MBTPS2: variants seen among roughly 807,000 people sequenced by gnomAD.
MBTPS2 encodes the protein membrane bound transcription factor peptidase, site 2.
A neutral mutation model predicts 35.4 loss-of-function variants in MBTPS2; 2 were observed. The ratio of observed to expected loss-of-function variants is 0.06; its 90% CI spans 0.02 to 0.18. MBTPS2 has a LOEUF of 0.18. MBTPS2 is among the 10% of genes least tolerant of loss of function. The probability of loss-of-function intolerance (pLI) is 1.00; values close to 1 mark genes in which losing one functional copy is unlikely to be tolerated. For missense variants in MBTPS2, 244 were observed against 386.5 expected (o/e 0.63, Z 3.09); for synonymous variants, 125 against 140.4 (o/e 0.89, Z 0.77).
intron 5 of MBTPS2, among the ~76,000 whole-genome samples, chrX:21,855,081 G>A (rs2092919036): frequency 9.0e-6 from 1 of 111,351 alleles, no homozygotes; most frequent in Admixed American, 9.5e-5. Context: ...GAAAAGAACT[G>A]TAAAATAATT....
intron 5 of MBTPS2, chrX:21,856,455 C>T: frequency 1.7e-6 from 2 of 1,183,625 alleles, no homozygotes; most frequent in Non-Finnish European, 1.1e-6. Context: ...ACGGTCTTCC[C>T]GTTGCCGCTA....
Position 21,853,366 on chromosome X carries a change from G to T in MBTPS2, c.543-10G>T, listed in dbSNP as rs1199493694. 6 of 1,174,993 alleles carry T rather than the reference G, an allele frequency of 5.1e-6. No homozygotes were observed. The highest frequency in any genetic ancestry group is 6.9e-6 in the Non-Finnish European group (6 of 865,203). On this transcript the variant is annotated splice_polypyrimidine_tract_variant and intron_variant, in intron 4 of 10. Transcript: ENST00000379484. ...ATTAGTAAACTCCTTTTTCTTATGT[G>T]ATTTCTTAGGGAACAAGTTCGATTT...
intron 5 of MBTPS2, among the ~76,000 whole-genome samples, chrX:21,862,839 AACAT>A (rs1395078732): frequency 2.1e-5 from 2 of 93,064 alleles, no homozygotes; most frequent in Non-Finnish European, 4.2e-5. Context: ...ATATATAAAA[AACAT>A]ATATATATAT....
chrX:21,861,831 TTGTC>T (rs200105255), intron 5 of MBTPS2, among the ~76,000 whole-genome samples: 18,826 of 111,590 alleles, frequency 0.17, 1,355 homozygotes, highest in East Asian at 0.24. Flanking sequence ...AGACCATACT[TTGTC>T]TGGCTATTTC....
chrX:21,883,670 CTG>C lies in MBTPS2; in HGVS notation c.*1019_*1020del. 2.0e-5 allele frequency: 15 copies of C among 754,255 alleles called. No individual in the cohort carries two copies. Among genetic ancestry groups the C allele is most frequent in the Non-Finnish European group, 2.3e-5 (15 of 639,376 alleles). 62.2% of individuals were successfully genotyped at this position (754,255 alleles called of 1,213,427 possible). A position where few individuals can be genotyped will look rare whatever the true frequency, so the allele number is the denominator to read the frequency against. ...CCTCACCAGCGGCTCCCATGTTTTTCTGTGTCAGGTTATTAAGTACCTAGTCC... is the reference window on the plus strand; with the variant it reads ...CCTCACCAGCGGCTCCCATGTTTTTCTGTCAGGTTATTAAGTACCTAGTCC... On this transcript the variant is annotated 3_prime_UTR_variant, in exon 11 of 11. Coordinates refer to ENST00000379484, the MANE Select transcript of MBTPS2 (RefSeq NM_015884.4).
At chrX:21,865,257 C>G (rs1246635626) in intron 5 of MBTPS2, among the ~76,000 whole-genome samples, 2 of 110,184 alleles carry the variant, frequency 1.8e-5, no homozygotes, top group Non-Finnish European at 3.8e-5. Context: ...AAACATCTGT[C>G]TGAAATTTGG....
chrX:21,840,550 G>A (rs1417240831), intron 1 of MBTPS2, among the ~76,000 whole-genome samples: 1 of 111,957 alleles, frequency 8.9e-6, no homozygotes, highest in East Asian at 2.8e-4. Context: ...ATCAGGAAGA[G>A]TCGTCTGACC....
At chrX:21,881,690 C>A (rs755695673) in intron 10 of MBTPS2, among the ~76,000 whole-genome samples, 2 of 111,460 alleles carry the variant, frequency 1.8e-5, no homozygotes, top group East Asian at 5.6e-4. Context: ...AATCCCAGCA[C>A]TTTGGGAGGC....
intron 1 of MBTPS2, among the ~76,000 whole-genome samples, chrX:21,842,924 T>C (rs1459188905): frequency 8.9e-6 from 1 of 112,162 alleles, no homozygotes; most frequent in Non-Finnish European, 1.9e-5. Context: ...AGCTCACAAG[T>C]TGTGTGAAAA....
intron 6 of MBTPS2, among the ~76,000 whole-genome samples, chrX:21,868,801 A>G (rs1259522594): frequency 8.9e-6 from 1 of 112,561 alleles, no homozygotes. Flanking sequence ...CTGATGCTGT[A>G]CTTAGGAAGA....
chrX:21,845,138 G>A, intron 2 of MBTPS2, 33 bp from the exon 3 acceptor site: 1 of 1,210,316 alleles, frequency 8.3e-7, no homozygotes, highest in Non-Finnish European at 1.1e-6. Flanking sequence ...GAGAGAAATT[G>A]TAAATTAACA....
chrX:21,846,383 T>C (rs1460499482), intron 3 of MBTPS2, among the ~76,000 whole-genome samples: 1 of 111,523 alleles, frequency 9.0e-6, no homozygotes, highest in Non-Finnish European at 1.9e-5. Context: ...TTATTATTAT[T>C]ATTTGAGACG....
rs962881122 is a variant in MBTPS2 at position 21,884,114 on chromosome X, T to A, written c.*1459T>A. The A allele has an allele frequency of 1.4e-4, 101 of 737,239 alleles. No homozygotes were observed. Among genetic ancestry groups the A allele is most frequent in the Non-Finnish European group, 1.5e-4 (93 of 624,489 alleles). The allele number at this position is 737,239 out of a possible 1,213,427, so 60.8% of individuals were successfully genotyped here. On this transcript the variant is annotated 3_prime_UTR_variant, in exon 11 of 11. Coordinates refer to ENST00000379484, the MANE Select transcript of MBTPS2 (RefSeq NM_015884.4). ...AACTTTTTAATCATTTTTAAGAAAC[T>A]TTTTAGATTGTATTACAAATTTGCC...
chrX:21,867,632 CTT>C (rs11290067), intron 5 of MBTPS2, among the ~76,000 whole-genome samples: 19 of 84,287 alleles, frequency 2.3e-4, no homozygotes, highest in East Asian at 3.8e-4. Context: ...ACGGTTTTCT[CTT>C]TTTTTTTTTT....
rs1302616858 is a variant in MBTPS2 at position 21,843,315 on chromosome X, A to T, written c.221A>T (p.Gln74Leu). 1 of 1,210,108 alleles carries T rather than the reference A, an allele frequency of 8.3e-7. No individual in the cohort carries two copies. Residue 74 changes from glutamine (Q) to leucine (L), a missense_variant, in exon 2 of 11, where the codon CAA (glutamine) becomes CTA (leucine). Transcript: ENST00000379484. ...CGGCGGAAAGCAAGGATGCTTTACC[A>T]ATGGTATTCTTCATCTTCTTTTGTT... ...WGRRKARMLY[Q>L]WFNFGMVFGV...
intron 2 of MBTPS2, among the ~76,000 whole-genome samples, chrX:21,844,206 G>A (rs7052667): frequency 0.45 from 48,527 of 108,681 alleles, 8,072 homozygotes; most frequent in East Asian, 0.59. Flanking sequence ...AAAAAGAAAC[G>A]TAAGTAATTA....
chrX:21,885,037 A>C lies in MBTPS2; in HGVS notation c.*2382A>C, dbSNP rs2092963205. 1 of 751,280 alleles carries C rather than the reference A, an allele frequency of 1.3e-6. No individual in the cohort carries two copies. Among genetic ancestry groups the C allele is most frequent in the Admixed American group, 8.8e-5 (1 of 11,306 alleles). 61.9% of individuals were successfully genotyped at this position (751,280 alleles called of 1,213,427 possible). A position where few individuals can be genotyped will look rare whatever the true frequency, so the allele number is the denominator to read the frequency against. On this transcript the variant is annotated 3_prime_UTR_variant, in exon 11 of 11. Coordinates refer to ENST00000379484, the MANE Select transcript of MBTPS2 (RefSeq NM_015884.4). ...TGTTCAACAGTAAAACTTTATTCTC[A>C]GTGTTCCTACTCTGCATTGTTTACA...
intron 9 of MBTPS2, among the ~76,000 whole-genome samples, chrX:21,879,334 G>T (rs932413884): frequency 7.2e-5 from 8 of 111,634 alleles, no homozygotes; most frequent in African/African-American, 2.6e-4. Context: ...AGACTGGAAT[G>T]CAGTGGCTCA....
In MBTPS2 at chrX:21,869,361, A is replaced by G. The variant is rs374535052; in HGVS notation, c.790-137A>G. The G allele has an allele frequency of 5.6e-6, 3 of 533,276 alleles. No homozygotes were observed. The African/African-American group carries it at 6.8e-5, about 12-fold the overall frequency. The allele number at this position is 533,276 out of a possible 1,213,427, so 43.9% of individuals were successfully genotyped here. On this transcript the variant is annotated intron_variant, in intron 6 of 10. Coordinates refer to ENST00000379484, the MANE Select transcript of MBTPS2 (RefSeq NM_015884.4). ...GGTTTTATTTTAATTTTCTAGGACT[A>G]TGTCTTGAATTCAAAGCTGGATTAT...
Sources: gnomAD v4.1 joint callset for allele counts (sites outside exome capture counted in the v4.1 genomes callset) on GRCh38, gnomAD v4.1.1 for gene constraint, MANE v1.5 for transcripts, NCBI Gene and HGNC (gene_info 2026-07-23, HGNC 2026-07-21) for gene names.